MME: variants seen among roughly 807,000 people sequenced by gnomAD.
The protein encoded by MME is neprilysin.
MME carries 98 observed loss-of-function variants against 113.2 expected under a neutral mutation model. The observed-to-expected ratio is 0.87, with a 90% confidence interval of 0.74 to 1.02. The LOEUF is 1.02. MME is among the 50% of genes least tolerant of loss of function. The pLI, the probability that MME is intolerant of heterozygous loss-of-function variation, is 0.00. For synonymous variants in MME, 292 were observed against 300.6 expected (o/e 0.97, Z 0.30); for missense variants, 836 against 896.0 (o/e 0.93, Z 0.86).
intron 1 of MME, among the ~76,000 whole-genome samples, chr3:155,059,976 G>C (rs149127099): frequency 6.6e-6 from 1 of 152,286 alleles, no homozygotes; most frequent in African/African-American, 2.4e-5. Context: ...ACTAAACCCA[G>C]AGTCTCCAAG....
chr3:155,135,656 T>C (rs1386956302), intron 8 of MME, among the ~76,000 whole-genome samples: 1 of 152,206 alleles, frequency 6.6e-6, no homozygotes, highest in Non-Finnish European at 1.5e-5. Context: ...GAATTGTTTT[T>C]TCTAATTCTG....
intron 8 of MME, among the ~76,000 whole-genome samples, chr3:155,126,285 C>T (rs1487323438): frequency 6.6e-6 from 1 of 151,788 alleles, no homozygotes; most frequent in Admixed American, 6.6e-5. Flanking sequence ...GGATGCTTTT[C>T]ATATTTAGGA....
intron 1 of MME, among the ~76,000 whole-genome samples, chr3:155,038,647 A>T (rs2108118549): frequency 6.6e-6 from 1 of 152,232 alleles, no homozygotes; most frequent in African/African-American, 2.4e-5. Flanking sequence ...CCCCCAGTGG[A>T]CTCCTAAAAC....
chr3:155,107,866 C>T (rs1717821468), intron 3 of MME, among the ~76,000 whole-genome samples: 1 of 152,112 alleles, frequency 6.6e-6, no homozygotes, highest in African/African-American at 2.4e-5. Context: ...ATGATGATTT[C>T]ACTGTTAAAA....
In MME at chr3:155,051,673, C is replaced by G. The variant is rs151085762; in HGVS notation, c.-11+27349C>G. Among the ~76,000 whole-genome samples, 740 of 152,258 alleles carry G rather than the reference C, an allele frequency of 4.9e-3. 5 individuals are homozygous for G. The highest frequency in any genetic ancestry group is 0.01 in the Middle Eastern group (3 of 294). On this transcript the variant is annotated intron_variant, in intron 1 of 22. Transcript: ENST00000492661. Reference sequence around the variant, plus strand: ...GATTTAATTACCTCCCATAGGGTCCCTCCCATGACACATGGGTATTATGGG... The same window carrying G: ...GATTTAATTACCTCCCATAGGGTCCGTCCCATGACACATGGGTATTATGGG...
intron 1 of MME, among the ~76,000 whole-genome samples, chr3:155,036,377 A>T (rs1713127643): frequency 1.3e-5 from 2 of 152,168 alleles, no homozygotes. Flanking sequence ...CAAGATATAG[A>T]GTTTTTTTTA....
In MME at chr3:155,041,499, A is replaced by G. The variant is rs568750197; in HGVS notation, c.-11+17175A>G. On this transcript the variant is annotated intron_variant, in intron 1 of 22. Coordinates refer to the MME transcript ENST00000492661. ...GCTGGTTTACATCTTTAAAAAATCTATTAAAATAAATTTTTAAAGAAAAGG... is the reference window on the plus strand; with the variant it reads ...GCTGGTTTACATCTTTAAAAAATCTGTTAAAATAAATTTTTAAAGAAAAGG... Among the ~76,000 whole-genome samples the G allele has an allele frequency of 1.3e-4, 20 of 152,308 alleles. No homozygotes were observed. The South Asian group carries it at 3.3e-3, about 25-fold the overall frequency.
chr3:155,088,755 G>C (rs1159904966), intron 3 of MME, among the ~76,000 whole-genome samples: 1 of 151,656 alleles, frequency 6.6e-6, no homozygotes, highest in African/African-American at 2.4e-5. Context: ...TATCTTACCA[G>C]CAAGTCTATA....
At chr3:155,165,164 T>C (rs1380620748) in intron 17 of MME, among the ~76,000 whole-genome samples, 1 of 152,172 alleles carries the variant, frequency 6.6e-6, no homozygotes, top group Non-Finnish European at 1.5e-5. Context: ...AAAGTAACGT[T>C]TCAGTTATTC....
chr3:155,088,683 C>CAAA (rs59288472), intron 3 of MME, among the ~76,000 whole-genome samples: 1 of 86,670 alleles, frequency 1.2e-5, no homozygotes, highest in Non-Finnish European at 2.4e-5. Flanking sequence ...AACTCCATCT[C>CAAA]AAAAAAAAAA....
At chr3:155,115,551 C>T (rs1718533216) in intron 4 of MME, among the ~76,000 whole-genome samples, 1 of 152,168 alleles carries the variant, frequency 6.6e-6, no homozygotes, top group Admixed American at 6.5e-5. Flanking sequence ...GCCTCAGCCT[C>T]CCAAGTAGCT....
At chr3:155,062,244 C>T (rs918777804) in intron 1 of MME, among the ~76,000 whole-genome samples, 12 of 152,096 alleles carry the variant, frequency 7.9e-5, no homozygotes, top group African/African-American at 1.7e-4. Flanking sequence ...TGAAATTTCA[C>T]CTGCATTCTT....
At chr3:155,032,044 T>A (rs1236948519) in intron 1 of MME, among the ~76,000 whole-genome samples, 1 of 152,202 alleles carries the variant, frequency 6.6e-6, no homozygotes, top group East Asian at 1.9e-4. Context: ...TAGTTTGGGG[T>A]CTTCACAGCT....
At chr3:155,063,231 A>AT (rs1273792277) in intron 1 of MME, among the ~76,000 whole-genome samples, 3,173 of 118,168 alleles carry the variant, frequency 0.027, 68 homozygotes, top group Non-Finnish European at 0.043. Flanking sequence ...TATGTATATT[A>AT]TTATATATTA....
chr3:155,054,080 T>C (rs1713849068), intron 1 of MME, among the ~76,000 whole-genome samples: 1 of 152,194 alleles, frequency 6.6e-6, no homozygotes, highest in South Asian at 2.1e-4. Context: ...TGTGAGAGAA[T>C]AAATTTATGT....
intron 1 of MME, among the ~76,000 whole-genome samples, chr3:155,029,907 A>T (rs1260429845): frequency 6.6e-6 from 1 of 152,202 alleles, no homozygotes; most frequent in Non-Finnish European, 1.5e-5. Context: ...ACATATAAAT[A>T]TATAGACATA....
Position 155,081,346 on chromosome 3 carries a change from A to G in MME, c.-11+880A>G, listed in dbSNP as rs1004852163. ...GTCTGATATAGTAATGCTTATGCTC[A>G]ACTGGTATAAGAATTGCTGCTTTAC... On this transcript the variant is annotated intron_variant, in intron 1 of 22. Coordinates refer to ENST00000360490, the MANE Select transcript of MME (RefSeq NM_007289.4). 10 of 152,304 alleles carry G rather than the reference A, an allele frequency of 6.6e-5. No individual in the cohort carries two copies. In the South Asian group the frequency reaches 1.2e-3, roughly 19 times the overall value. 9.4% of individuals were successfully genotyped at this position (152,304 alleles called of 1,614,324 possible).
At chr3:155,057,983 G>T (rs1214404818) in intron 1 of MME, among the ~76,000 whole-genome samples, 4 of 151,964 alleles carry the variant, frequency 2.6e-5, no homozygotes, top group East Asian at 3.9e-4. Context: ...GAAGAGAAAG[G>T]TCTATCATAC....
At chr3:155,176,086 T>C (rs1413590726) in intron 22 of MME, among the ~76,000 whole-genome samples, 1 of 152,192 alleles carries the variant, frequency 6.6e-6, no homozygotes, top group African/African-American at 2.4e-5. Context: ...GATACCTTAT[T>C]CCTGAATGAA....
Sources: allele counts gnomAD v4.1 joint callset (sites outside exome capture counted in the v4.1 genomes callset), GRCh38; gene constraint gnomAD v4.1.1; transcripts MANE v1.5; gene names NCBI Gene and HGNC (gene_info 2026-07-23, HGNC 2026-07-21).